BTBD7: variants seen among roughly 807,000 people sequenced by gnomAD.
BTBD7 encodes the protein BTB/POZ domain-containing protein 7.
In BTBD7, 38 loss-of-function variants were observed where a neutral mutation model predicts 99.9. That is an observed-to-expected ratio of 0.38 (90% CI 0.29 to 0.50). The LOEUF is 0.50. BTBD7 is among the 20% of genes least tolerant of loss of function. The pLI, the probability that BTBD7 is intolerant of heterozygous loss-of-function variation, is 0.93. For missense variants in BTBD7, 1,170 were observed against 1,394.6 expected (o/e 0.84, Z 2.57); for synonymous variants, 520 against 511.4 (o/e 1.02, Z -0.23).
At chr14:93,252,117 C>CT (rs1218631025) in intron 7 of BTBD7, among the ~76,000 whole-genome samples, 1 of 152,058 alleles carries the variant, frequency 6.6e-6, no homozygotes, top group Non-Finnish European at 1.5e-5. Flanking sequence ...CAAGACCAGT[C>CT]TGGCCAACAA....
At chr14:93,266,474 A>G (rs1429965510) in intron 3 of BTBD7, among the ~76,000 whole-genome samples, 1 of 151,560 alleles carries the variant, frequency 6.6e-6, no homozygotes, top group Non-Finnish European at 1.5e-5. Flanking sequence ...CTGTCTTTAA[A>G]TGCCTCTTCA....
At chr14:93,314,698 A>G (rs1023874169) in intron 1 of BTBD7, among the ~76,000 whole-genome samples, 1 of 152,200 alleles carries the variant, frequency 6.6e-6, no homozygotes, top group Admixed American at 6.5e-5. Context: ...TCTTGGGTTA[A>G]AGGATATACA....
At chr14:93,302,759 C>T (rs778131161) in intron 1 of BTBD7, among the ~76,000 whole-genome samples, 4 of 152,078 alleles carry the variant, frequency 2.6e-5, no homozygotes, top group Non-Finnish European at 4.4e-5. Flanking sequence ...ACAGAAGAAT[C>T]GCTTGAACCC....
At chr14:93,254,822 A>C (rs1224362504) in intron 6 of BTBD7, among the ~76,000 whole-genome samples, 1 of 152,248 alleles carries the variant, frequency 6.6e-6, no homozygotes, top group Non-Finnish European at 1.5e-5. Context: ...GAAAGTTAAG[A>C]GTCATTGTTA....
Position 93,300,874 on chromosome 14 carries a change from C to T in BTBD7, c.-106-4717G>A, listed in dbSNP as rs557264750. Among the ~76,000 whole-genome samples the T allele has an allele frequency of 9.9e-5, 15 of 151,578 alleles. No individual in the cohort carries two copies. In the South Asian group the frequency reaches 3.1e-3, roughly 32 times the overall value. On this transcript the variant is annotated intron_variant, in intron 1 of 10. Transcript: ENST00000334746. ...CAAGTGATCTATCTATCTTGGCTTCCCAAAGTGCTGGGATTACAGGTGTGA... is the reference window on the plus strand; with the variant it reads ...CAAGTGATCTATCTATCTTGGCTTCTCAAAGTGCTGGGATTACAGGTGTGA...
At chr14:93,310,850 C>G (rs915565358) in intron 1 of BTBD7, among the ~76,000 whole-genome samples, 1 of 134,096 alleles carries the variant, frequency 7.5e-6, no homozygotes, top group Non-Finnish European at 1.5e-5. Flanking sequence ...GTTCAAAAGT[C>G]TATTGAATTC....
At position 93,242,050 on chromosome 14, in the gene BTBD7, A is replaced by G. The variant is rs1477389107; in HGVS notation, c.*223T>C. 2.1e-5 allele frequency: 11 copies of G among 514,764 alleles called. No homozygotes were observed. The highest frequency in any genetic ancestry group is 9.5e-5 in the African/African-American group (5 of 52,536). 31.9% of individuals were successfully genotyped at this position (514,764 alleles called of 1,614,324 possible). On this transcript the variant is annotated 3_prime_UTR_variant, in exon 11 of 11. Transcript: ENST00000334746. ...CTTGTTCTTAAAAATGCCTCCCGAC[A>G]TAATTGTTCAAAGACAAATTAGACA...
intron 1 of BTBD7, among the ~76,000 whole-genome samples, chr14:93,326,284 C>T (rs1448145694): frequency 2.0e-5 from 3 of 151,160 alleles, no homozygotes; most frequent in African/African-American, 7.3e-5. Flanking sequence ...CTGGGCAGCA[C>T]AGTGAAACCC....
At position 93,294,106 on chromosome 14, in the gene BTBD7, C is replaced by T. The variant is rs372821616; in HGVS notation, c.914G>A (p.Arg305Gln). ...AATTCTTGTGGGAGTCCTCAAAGTT[C>T]GGTCTGTGATTTCTTCACCAGTTCG... ...RIRTGEEITD[R>Q]TLRTPTRIIL... is the part of the protein sequence containing the mutation. Residue 305 changes from arginine to glutamine, a missense_variant, in exon 3 of 11, where the codon CGA (arginine) becomes CAA (glutamine). This residue lies in a region of BTBD7 where 359 missense variants were observed against 497.9 expected (regional missense o/e 0.72). Transcript: ENST00000334746. 9 of 1,613,894 alleles carry T rather than the reference C, an allele frequency of 5.6e-6. No individual in the cohort carries two copies. Among genetic ancestry groups the T allele is most frequent in the South Asian group, 2.2e-5 (2 of 91,068 alleles).
At chr14:93,292,020 C>T (rs1188451540) in intron 3 of BTBD7, among the ~76,000 whole-genome samples, 1 of 152,086 alleles carries the variant, frequency 6.6e-6, no homozygotes, top group African/African-American at 2.4e-5. Flanking sequence ...AACCCTGTCT[C>T]TACTAAAAAT....
chr14:93,251,472 C>G lies in BTBD7; in HGVS notation c.1933G>C (p.Glu645Gln). 1 of 1,589,990 alleles carries G rather than the reference C, an allele frequency of 6.3e-7. No homozygotes were observed. Among genetic ancestry groups the G allele is most frequent in the Non-Finnish European group, 8.6e-7 (1 of 1,163,260 alleles). Residue 645 changes from glutamate to glutamine, a missense_variant, in exon 8 of 11, where the codon GAA (glutamate) becomes CAA (glutamine). Around this residue, in one of 4 missense-constraint regions of BTBD7, gnomAD observed 309 missense variants for 342.0 expected, o/e 0.90. Coordinates refer to ENST00000334746, the MANE Select transcript of BTBD7 (RefSeq NM_001002860.4). ...CAACATACTGCCTTACCTGGAATTT[C>G]GTTGGCTACAACTGAAGGAGGGCTT... ...QSSPPSVVAN[E>Q]IPVPRLLIMK... is the part of the protein sequence containing the mutation.
chr14:93,280,568 A>T (rs2052706884), intron 3 of BTBD7, among the ~76,000 whole-genome samples: 1 of 152,222 alleles, frequency 6.6e-6, no homozygotes, highest in Non-Finnish European at 1.5e-5. Flanking sequence ...TATAAACATA[A>T]ACATGCCAAT....
chr14:93,267,535 C>T (rs1419711885), intron 3 of BTBD7, among the ~76,000 whole-genome samples: 1 of 152,196 alleles, frequency 6.6e-6, no homozygotes, highest in Non-Finnish European at 1.5e-5. Flanking sequence ...GCCCCACGGC[C>T]TTCACCTCAT....
chr14:93,251,134 T>A (rs1313476368), intron 8 of BTBD7, among the ~76,000 whole-genome samples: 2 of 152,228 alleles, frequency 1.3e-5, no homozygotes, highest in African/African-American at 4.8e-5. Flanking sequence ...GCTCCTAGCA[T>A]TTATTGAGTA....
chr14:93,316,249 C>T (rs1246420289), intron 1 of BTBD7, among the ~76,000 whole-genome samples: 1 of 125,240 alleles, frequency 8.0e-6, no homozygotes, highest in Admixed American at 7.6e-5. Context: ...GCCACCATGC[C>T]CAGTCTTTTT....
chr14:93,284,431 T>C (rs1350825829), intron 3 of BTBD7, among the ~76,000 whole-genome samples: 1 of 151,906 alleles, frequency 6.6e-6, no homozygotes, highest in African/African-American at 2.4e-5. Context: ...ATAAAATTTA[T>C]TACAACCTCT....
chr14:93,268,771 T>C (rs1395920118), intron 3 of BTBD7, among the ~76,000 whole-genome samples: 2 of 150,562 alleles, frequency 1.3e-5, no homozygotes, highest in African/African-American at 4.9e-5. Context: ...TTTTTTTTTT[T>C]TTTTTTGAGA....
chr14:93,291,641 A>ATTT (rs1566852145), intron 3 of BTBD7, among the ~76,000 whole-genome samples: 7,216 of 152,282 alleles, frequency 0.047, 586 homozygotes, highest in African/African-American at 0.16. Context: ...ACAAAGGGAA[A>ATTT]AAGAAGAGCA....
intron 3 of BTBD7, among the ~76,000 whole-genome samples, chr14:93,270,477 G>A (rs1012988162): frequency 1.6e-4 from 24 of 151,998 alleles, no homozygotes; most frequent in Non-Finnish European, 3.2e-4. Flanking sequence ...TAGATTACCC[G>A]AGGTCAGGAG....
Sources: allele counts gnomAD v4.1 joint callset (sites outside exome capture counted in the v4.1 genomes callset), GRCh38; gene constraint gnomAD v4.1.1; regional missense constraint gnomAD v4.1.1; transcripts MANE v1.5; gene names NCBI Gene and HGNC (gene_info 2026-07-23, HGNC 2026-07-21).